MYO5B: variants seen among roughly 807,000 people sequenced by gnomAD.
MYO5B encodes unconventional myosin-Vb.
MYO5B carries 143 observed loss-of-function variants against 229.3 expected under a neutral mutation model. That is an observed-to-expected ratio of 0.62 (90% CI 0.54 to 0.72). The LOEUF is 0.72. Among genes scored for constraint, MYO5B ranks in the 30% least tolerant of loss-of-function variants. The pLI is 0.00. For synonymous variants in MYO5B, 918 were observed against 885.2 expected (o/e 1.04, Z -0.66); for missense variants, 2,321 against 2,331.0 (o/e 1.00, Z 0.09).
chr18:50,121,008 C>T (rs764096645), intron 1 of MYO5B, among the ~76,000 whole-genome samples: 9 of 152,312 alleles, frequency 5.9e-5, no homozygotes, highest in East Asian at 3.9e-4. Flanking sequence ...CAGCAACTTA[C>T]GGCCAGTGCA....
intron 17 of MYO5B, 28 bp from the exon 18 acceptor site, chr18:49,912,201 T>G (rs1430792251): frequency 6.4e-7 from 1 of 1,561,756 alleles, no homozygotes; most frequent in South Asian, 1.1e-5. Flanking sequence ...GGGCATCAGG[T>G]GACACATCCT....
At chr18:49,893,767 T>C (rs2024744731) in intron 22 of MYO5B, among the ~76,000 whole-genome samples, 1 of 152,228 alleles carries the variant, frequency 6.6e-6, no homozygotes, top group Non-Finnish European at 1.5e-5. Flanking sequence ...AGAAGATCTA[T>C]GCAAGCCCAG....
intron 1 of MYO5B, among the ~76,000 whole-genome samples, chr18:50,190,786 ATATT>A (rs1327501621): frequency 2.0e-5 from 3 of 152,248 alleles, no homozygotes; most frequent in African/African-American, 7.2e-5. Context: ...AAGCTAATAT[ATATT>A]TAAATGTTTC....
chr18:49,910,334 G>T (rs146589564), intron 18 of MYO5B, among the ~76,000 whole-genome samples: 15 of 152,322 alleles, frequency 9.8e-5, no homozygotes, highest in African/African-American at 3.6e-4. Flanking sequence ...TCCAGCGAAG[G>T]AACAGAAGAG....
rs573324766 is a variant in MYO5B, at chr18:50,024,411, G to A, written c.455+12439C>T. Among the ~76,000 whole-genome samples the A allele has an allele frequency of 5.9e-5, 9 of 152,290 alleles. No individual in the cohort carries two copies. In the East Asian group the frequency reaches 1.7e-3, roughly 29 times the overall value. Reference sequence around the variant, plus strand: ...TCCTTCTCTCTGCTACCAGGTGCAAGACATTTTCTCAAAAGACATCCCATA... The same window carrying A: ...TCCTTCTCTCTGCTACCAGGTGCAAAACATTTTCTCAAAAGACATCCCATA... On this transcript the variant is annotated intron_variant, in intron 4 of 39. Transcript: ENST00000285039.
intron 1 of MYO5B, among the ~76,000 whole-genome samples, chr18:50,157,675 A>T (rs1231413018): frequency 1.3e-5 from 2 of 152,038 alleles, no homozygotes; most frequent in Non-Finnish European, 2.9e-5. Context: ...TCAAATCTAA[A>T]ATACAAAATG....
intron 14 of MYO5B, among the ~76,000 whole-genome samples, chr18:49,939,816 T>A (rs1199822008): frequency 6.6e-6 from 1 of 152,232 alleles, no homozygotes; most frequent in Non-Finnish European, 1.5e-5. Context: ...GCTTCAGATA[T>A]AGCCTTGACT....
intron 31 of MYO5B, among the ~76,000 whole-genome samples, chr18:49,852,830 A>G (rs758118298): frequency 7.9e-5 from 12 of 152,138 alleles, no homozygotes; most frequent in Non-Finnish European, 1.3e-4. Context: ...CTCTTCCTGT[A>G]ATACTCATTG....
intron 1 of MYO5B, among the ~76,000 whole-genome samples, chr18:50,194,166 T>C (rs1396243221): frequency 6.6e-6 from 1 of 152,246 alleles, no homozygotes; most frequent in African/African-American, 2.4e-5. Flanking sequence ...CCTCTACCCA[T>C]TGCTTACCCT....
chr18:49,914,696 C>T (rs2024993048), intron 17 of MYO5B, among the ~76,000 whole-genome samples: 1 of 149,528 alleles, frequency 6.7e-6, no homozygotes, highest in Non-Finnish European at 1.5e-5. Flanking sequence ...AGGAGAATCA[C>T]TTGAAACCAG....
intron 1 of MYO5B, among the ~76,000 whole-genome samples, chr18:50,185,301 AAGAG>A (rs1555667725): frequency 7.9e-5 from 12 of 151,476 alleles, no homozygotes; most frequent in Non-Finnish European, 1.2e-4. Context: ...AAAAAAAAAA[AAGAG>A]AGAGAGAGAG....
At chr18:50,131,352 T>G (rs1385980281) in intron 1 of MYO5B, among the ~76,000 whole-genome samples, 1 of 152,178 alleles carries the variant, frequency 6.6e-6, no homozygotes. Flanking sequence ...ATTTGTACCA[T>G]GAGTCTTTGA....
intron 18 of MYO5B, among the ~76,000 whole-genome samples, chr18:49,910,231 C>A (rs1156625117): frequency 6.6e-6 from 1 of 152,166 alleles, no homozygotes; most frequent in Non-Finnish European, 1.5e-5. Flanking sequence ...GGAGGAGAGC[C>A]CAGTGTGGGG....
chr18:50,139,112 A>G (rs2032379606), intron 1 of MYO5B, among the ~76,000 whole-genome samples: 2 of 152,276 alleles, frequency 1.3e-5, no homozygotes, highest in Admixed American at 1.3e-4. Context: ...GACCAGGGCC[A>G]GGAAATATTT....
intron 19 of MYO5B, among the ~76,000 whole-genome samples, 188 bp downstream of exon 19, chr18:49,906,231 C>T (rs1461858975): frequency 2.0e-5 from 3 of 152,042 alleles, no homozygotes; most frequent in African/African-American, 4.8e-5. Flanking sequence ...CTAGACCTAC[C>T]CCCTGAGGTG....
intron 1 of MYO5B, among the ~76,000 whole-genome samples, chr18:50,146,974 T>C (rs1568124351): frequency 1.3e-5 from 2 of 152,176 alleles, no homozygotes; most frequent in Non-Finnish European, 2.9e-5. Flanking sequence ...ATCGCCCACA[T>C]AAATTCTTTC....
intron 1 of MYO5B, among the ~76,000 whole-genome samples, chr18:50,112,268 A>G (rs115491317): frequency 0.017 from 2,540 of 152,306 alleles, 77 homozygotes; most frequent in African/African-American, 0.058. Context: ...CTAGGAATCC[A>G]TAACTGTAGC....
chr18:49,934,373 G>A (rs2025227239), intron 16 of MYO5B, among the ~76,000 whole-genome samples: 2 of 152,334 alleles, frequency 1.3e-5, no homozygotes, highest in Middle Eastern at 3.4e-3. Context: ...TCTTTGTATT[G>A]GGAGGAAGAT....
At chr18:50,187,897 A>G (rs1386760960) in intron 1 of MYO5B, among the ~76,000 whole-genome samples, 1 of 152,128 alleles carries the variant, frequency 6.6e-6, no homozygotes, top group Non-Finnish European at 1.5e-5. Context: ...GGGAGCTACA[A>G]CCCTAAAGGC....
Sources: allele counts gnomAD v4.1 joint callset (sites outside exome capture counted in the v4.1 genomes callset), GRCh38; gene constraint gnomAD v4.1.1; transcripts MANE v1.5; gene names NCBI Gene and HGNC (gene_info 2026-07-23, HGNC 2026-07-21).